ATP2C2: variants seen among roughly 807,000 people sequenced by gnomAD.
ATP2C2 encodes ATPase secretory pathway Ca2+ transporting 2.
A neutral mutation model predicts 110.8 loss-of-function variants in ATP2C2; 171 were observed. The observed-to-expected ratio is 1.54, with a 90% confidence interval of 1.36 to 1.75. The LOEUF (loss-of-function observed/expected upper bound fraction) is 1.75. Ranked by LOEUF, ATP2C2 falls within the 40% of genes most tolerant of loss-of-function variation. The probability of loss-of-function intolerance (pLI) is 0.00; values close to 1 mark genes in which losing one functional copy is unlikely to be tolerated. For missense variants in ATP2C2, 1,963 were observed against 1,235.0 expected (o/e 1.59, Z -8.84); for synonymous variants, 804 against 508.4 (o/e 1.58, Z -7.82).
At chr16:84,380,785 G>T (rs183149483) in intron 1 of ATP2C2, among the ~76,000 whole-genome samples, 5 of 152,290 alleles carry the variant, frequency 3.3e-5, no homozygotes, top group African/African-American at 1.2e-4. Flanking sequence ...CGGGGGGTCT[G>T]TTGTGGAATG....
chr16:84,422,786 G>A, intron 9 of ATP2C2, 89 bp downstream of exon 9: 2 of 1,315,590 alleles, frequency 1.5e-6, no homozygotes, highest in Non-Finnish European at 2.1e-6. Flanking sequence ...CTACTCCTTA[G>A]GAATGAGTGG....
intron 1 of ATP2C2, among the ~76,000 whole-genome samples, chr16:84,381,203 C>T (rs1484503932): frequency 6.6e-6 from 1 of 152,180 alleles, no homozygotes; most frequent in Non-Finnish European, 1.5e-5. Context: ...AGAGTACCTT[C>T]TTAAGGGTGG....
At chr16:84,412,270 G>T (rs1173128218) in intron 6 of ATP2C2, among the ~76,000 whole-genome samples, 1 of 143,114 alleles carries the variant, frequency 7.0e-6, no homozygotes, top group African/African-American at 2.5e-5. Context: ...GTGTATGTAT[G>T]TGTGTACGTG....
At position 84,387,056 on chromosome 16, in the gene ATP2C2, G is replaced by T. The variant is rs7198728; in HGVS notation, c.100-11443G>T. ...TGTGGGCAGTGGGGTTGGGGGTGCA[G>T]ATCTGAGGGAAAAACTGTTTGGCAG... On this transcript the variant is annotated intron_variant, in intron 1 of 26. Coordinates refer to ENST00000262429, the MANE Select transcript of ATP2C2 (RefSeq NM_014861.4). Among the ~76,000 whole-genome samples, 695 of 152,254 alleles carry T rather than the reference G, an allele frequency of 4.6e-3. 8 individuals carry two copies. Among genetic ancestry groups the T allele is most frequent in the African/African-American group, 0.016 (649 of 41,522 alleles).
chr16:84,377,254 T>G (rs1339686616), intron 1 of ATP2C2, among the ~76,000 whole-genome samples: 4 of 152,168 alleles, frequency 2.6e-5, no homozygotes, highest in Admixed American at 2.6e-4. Context: ...TCTTAGCAAG[T>G]AGTGGAAATC....
chr16:84,378,061 G>T (rs1218715591), intron 1 of ATP2C2, among the ~76,000 whole-genome samples: 1 of 152,192 alleles, frequency 6.6e-6, no homozygotes, highest in African/African-American at 2.4e-5. Flanking sequence ...GAAGAGAGGG[G>T]CCCAAGATCT....
chr16:84,381,925 C>T (rs1000892264), intron 1 of ATP2C2, among the ~76,000 whole-genome samples: 7 of 152,186 alleles, frequency 4.6e-5, no homozygotes, highest in South Asian at 2.1e-4. Context: ...GGGCCCAGGG[C>T]GGCCTGAATT....
intron 23 of ATP2C2, chr16:84,459,714 C>A (rs1911082888): frequency 1.2e-6 from 1 of 839,970 alleles, no homozygotes; most frequent in Non-Finnish European, 1.8e-6. Flanking sequence ...CCTGATTGCA[C>A]TCCCACTCAA....
At chr16:84,423,073 G>A in intron 9 of ATP2C2, 115 bp from the exon 10 acceptor site, 2 of 821,420 alleles carry the variant, frequency 2.4e-6, no homozygotes, top group Non-Finnish European at 2.1e-6. Flanking sequence ...TGACATATGT[G>A]TACCCCTGTG....
intron 9 of ATP2C2, among the ~76,000 whole-genome samples, 171 bp downstream of exon 9, chr16:84,422,868 T>C (rs1907478179): frequency 6.6e-6 from 1 of 152,134 alleles, no homozygotes; most frequent in Non-Finnish European, 1.5e-5. Context: ...TTTCGCCATG[T>C]TGCCCAGGCT....
chr16:84,381,313 C>T (rs955734199), intron 1 of ATP2C2, among the ~76,000 whole-genome samples: 10 of 152,142 alleles, frequency 6.6e-5, no homozygotes, highest in African/African-American at 2.4e-4. Context: ...TTTTGTGGAT[C>T]TTCAGTTACT....
rs4782948 is a variant in ATP2C2 at position 84,398,570 on chromosome 16, G to A, written c.171G>A (p.Ala57=). ...TGACAGCCCTGCCCCCCAAGGAAGC[G>A]TGCAAATGCCAGAAAGAGGATTTGG... The part of the protein sequence containing the change: ...KKVTALPPKE[A]CKCQKEDLAR... The change falls in exon 2 of 27, where the codon GCG becomes GCA. Residue 57 remains alanine, a synonymous_variant. Transcript: ENST00000262429. 0.031 allele frequency: 49,894 copies of A among 1,612,808 alleles called. 953 individuals carry two copies. Among genetic ancestry groups the A allele is most frequent in the Middle Eastern group, 0.11 (675 of 6,050 alleles).
intron 4 of ATP2C2, among the ~76,000 whole-genome samples, chr16:84,410,264 C>A (rs1356764475): frequency 6.6e-6 from 1 of 152,008 alleles, no homozygotes; most frequent in Non-Finnish European, 1.5e-5. Context: ...GTGTTTGCAG[C>A]ATGTTCAGTG....
chr16:84,380,747 A>G lies in ATP2C2; in HGVS notation c.99+12033A>G, dbSNP rs562093512. Among the ~76,000 whole-genome samples the G allele has an allele frequency of 2.8e-4, 42 of 152,314 alleles. No homozygotes were observed. In the South Asian group the frequency reaches 8.5e-3, roughly 31 times the overall value. ...CTGCCTCTGTTTGTTCTTCTGTACA[A>G]TGGGGTAGTAACTAAGTGTACATAC... is the stretch of plus-strand genomic sequence containing the variant. On this transcript the variant is annotated intron_variant, in intron 1 of 26. Coordinates refer to ENST00000262429, the MANE Select transcript of ATP2C2 (RefSeq NM_014861.4).
At chr16:84,396,627 G>C (rs1362673230) in intron 1 of ATP2C2, among the ~76,000 whole-genome samples, 4 of 151,606 alleles carry the variant, frequency 2.6e-5, no homozygotes, top group African/African-American at 9.7e-5. Flanking sequence ...GGGCAGCTGA[G>C]TGAGTGTGGG....
Position 84,439,303 on chromosome 16 carries a change from A to G in ATP2C2, c.1111+13A>G. Reference sequence around the variant, plus strand: ...GTGGAGACTTTAGGTGAGGGACTCCAGCTGGTGGAATCCTTACACGTGGAA... The same window carrying G: ...GTGGAGACTTTAGGTGAGGGACTCCGGCTGGTGGAATCCTTACACGTGGAA... On this transcript the variant is annotated intron_variant, in intron 12 of 26. Coordinates refer to ENST00000262429, the MANE Select transcript of ATP2C2 (RefSeq NM_014861.4). The G allele has an allele frequency of 6.2e-7, 1 of 1,613,356 alleles. No homozygotes were observed.
chr16:84,393,252 G>C (rs1291203389), intron 1 of ATP2C2, among the ~76,000 whole-genome samples: 3 of 152,188 alleles, frequency 2.0e-5, no homozygotes, highest in South Asian at 2.1e-4. Flanking sequence ...AATCAACCCG[G>C]GGCAGATTAG....
chr16:84,411,966 C>T (rs924699963), intron 6 of ATP2C2, among the ~76,000 whole-genome samples: 2 of 147,806 alleles, frequency 1.4e-5, no homozygotes, highest in African/African-American at 5.0e-5. Flanking sequence ...TCTTTCTTTC[C>T]TTTCTCTTCT....
intron 7 of ATP2C2, 127 bp from the exon 8 acceptor site, chr16:84,422,262 AC>A: frequency 8.8e-7 from 1 of 1,139,424 alleles, no homozygotes; most frequent in Non-Finnish European, 1.2e-6. Flanking sequence ...TCGTTGTGAC[AC>A]TCATTCTGTA....
Sources: allele counts gnomAD v4.1 joint callset (sites outside exome capture counted in the v4.1 genomes callset), GRCh38; gene constraint gnomAD v4.1.1; transcripts MANE v1.5; gene names NCBI Gene and HGNC (gene_info 2026-07-23, HGNC 2026-07-21).